HNF4G: variants seen among roughly 807,000 people sequenced by gnomAD.
HNF4G encodes the protein hepatocyte nuclear factor 4 gamma.
Under a neutral mutation model 50.9 loss-of-function variants are expected in HNF4G, and 21 were observed. That is an observed-to-expected ratio of 0.41 (90% CI 0.29 to 0.59). The LOEUF (loss-of-function observed/expected upper bound fraction) is 0.59. HNF4G is among the 20% of genes least tolerant of loss of function. The pLI is 0.26. For missense variants in HNF4G, 527 were observed against 559.4 expected (o/e 0.94, Z 0.58); for synonymous variants, 198 against 185.6 (o/e 1.07, Z -0.54).
chr8:75,427,413 A>G (rs1810915363), intron 1 of HNF4G, among the ~76,000 whole-genome samples: 1 of 152,064 alleles, frequency 6.6e-6, no homozygotes, highest in African/African-American at 2.4e-5. Context: ...CCCAGTCTCT[A>G]CTAAAAATAC....
At chr8:75,489,877 T>G (rs1812582833) in intron 1 of HNF4G, among the ~76,000 whole-genome samples, 1 of 152,246 alleles carries the variant, frequency 6.6e-6, no homozygotes, top group Admixed American at 6.5e-5. Flanking sequence ...GTTGACTTGT[T>G]GTTCTGTGTG....
intron 1 of HNF4G, among the ~76,000 whole-genome samples, chr8:75,414,396 C>T (rs929426739): frequency 6.6e-6 from 1 of 151,944 alleles, no homozygotes; most frequent in African/African-American, 2.4e-5. Context: ...TATTGACATA[C>T]CATAAACAGC....
intron 1 of HNF4G, among the ~76,000 whole-genome samples, chr8:75,437,740 T>C (rs1173317029): frequency 6.6e-6 from 1 of 151,734 alleles, no homozygotes; most frequent in African/African-American, 2.4e-5. Flanking sequence ...ACAATAAATA[T>C]AAAAACATGG....
intron 9 of HNF4G, among the ~76,000 whole-genome samples, chr8:75,561,704 T>C (rs2943611): frequency 0.82 from 124,749 of 152,096 alleles, 51,933 homozygotes; most frequent in African/African-American, 0.96. Context: ...ACCGTGGTAA[T>C]TGAAACTTGA....
At chr8:75,543,086 A>G (rs1806675810) in intron 1 of HNF4G, among the ~76,000 whole-genome samples, 1 of 152,126 alleles carries the variant, frequency 6.6e-6, no homozygotes, top group African/African-American at 2.4e-5. Context: ...ACACGTCTGT[A>G]ATCTCAGCTA....
intron 2 of HNF4G, among the ~76,000 whole-genome samples, chr8:75,516,685 T>A (rs973301281): frequency 4.6e-5 from 7 of 152,238 alleles, no homozygotes; most frequent in Non-Finnish European, 1.0e-4. Context: ...TTATTGTGAA[T>A]TTGCATACTT....
chr8:75,512,776 A>C (rs2130729425), intron 2 of HNF4G, among the ~76,000 whole-genome samples: 1 of 152,094 alleles, frequency 6.6e-6, no homozygotes, highest in Admixed American at 6.5e-5. Flanking sequence ...CATCTTTATT[A>C]TTTTAATCTT....
chr8:75,468,797 A>T (rs1165085812), intron 1 of HNF4G, among the ~76,000 whole-genome samples: 3 of 152,104 alleles, frequency 2.0e-5, no homozygotes. Flanking sequence ...TTCCTTCCTA[A>T]TATGGTAGCC....
intron 5 of HNF4G, among the ~76,000 whole-genome samples, chr8:75,554,214 C>A (rs1057514537): frequency 1.3e-5 from 2 of 152,122 alleles, no homozygotes; most frequent in Non-Finnish European, 2.9e-5. Flanking sequence ...CAGTGAATAA[C>A]GCTAAATTGC....
rs201176471 is a variant in HNF4G at position 75,512,450 on chromosome 8, C to T, written c.-24+22242C>T. On this transcript the variant is annotated intron_variant, in intron 2 of 10. Coordinates refer to the HNF4G transcript ENST00000354370. ...ATCTTTATTATTATTATTACTATTA[C>T]TATTATTATTATTATTATTATTGTT... Among the ~76,000 whole-genome samples, 24 of 146,880 alleles carry T rather than the reference C, an allele frequency of 1.6e-4. 1 individual carries two copies. Among genetic ancestry groups the T allele is most frequent in the East Asian group, 9.9e-4 (5 of 5,034 alleles).
At chr8:75,500,759 C>T (rs943736347) in intron 2 of HNF4G, among the ~76,000 whole-genome samples, 32 of 152,108 alleles carry the variant, frequency 2.1e-4, no homozygotes, top group African/African-American at 7.5e-4. Context: ...ACAAGACACA[C>T]ATGCACACAA....
At chr8:75,422,538 T>G (rs1028999925) in intron 1 of HNF4G, among the ~76,000 whole-genome samples, 1 of 152,188 alleles carries the variant, frequency 6.6e-6, no homozygotes, top group East Asian at 1.9e-4. Flanking sequence ...GGCTATAGAT[T>G]TTAAGTTTTT....
intron 1 of HNF4G, among the ~76,000 whole-genome samples, chr8:75,541,443 G>A (rs1232585670): frequency 6.6e-6 from 1 of 152,006 alleles, no homozygotes; most frequent in Non-Finnish European, 1.5e-5. Flanking sequence ...TTTTGTTAAT[G>A]TTACCAGAAG....
At chr8:75,493,027 A>C (rs1440371441) in intron 2 of HNF4G, among the ~76,000 whole-genome samples, 1 of 151,990 alleles carries the variant, frequency 6.6e-6, no homozygotes, top group Non-Finnish European at 1.5e-5. Flanking sequence ...ATATATATAT[A>C]TATATATACA....
intron 1 of HNF4G, among the ~76,000 whole-genome samples, chr8:75,483,367 C>T (rs28691061): frequency 0.21 from 31,627 of 151,776 alleles, 4,017 homozygotes; most frequent in African/African-American, 0.36. Flanking sequence ...GACTGCATTT[C>T]TCTGCATCTT....
chr8:75,448,829 C>T (rs1047551720), intron 1 of HNF4G, among the ~76,000 whole-genome samples: 1 of 152,000 alleles, frequency 6.6e-6, no homozygotes, highest in Non-Finnish European at 1.5e-5. Flanking sequence ...TTAAAAAATA[C>T]ATAGGACTAT....
At chr8:75,476,404 T>A (rs1043434709) in intron 1 of HNF4G, among the ~76,000 whole-genome samples, 1 of 152,126 alleles carries the variant, frequency 6.6e-6, no homozygotes, top group African/African-American at 2.4e-5. Flanking sequence ...AACATAAGAG[T>A]GCACCACCAA....
At chr8:75,494,611 C>A (rs917864040) in intron 2 of HNF4G, among the ~76,000 whole-genome samples, 1 of 151,826 alleles carries the variant, frequency 6.6e-6, no homozygotes, top group Non-Finnish European at 1.5e-5. Context: ...TTATCAAGGA[C>A]CAGTATTGTG....
intron 1 of HNF4G, among the ~76,000 whole-genome samples, chr8:75,430,150 CAAA>C (rs71271861): frequency 1.7e-5 from 2 of 118,958 alleles, no homozygotes; most frequent in African/African-American, 3.3e-5. Flanking sequence ...GATCTTGTTT[CAAA>C]AAAAAAAAAA....
Sources: allele counts gnomAD v4.1 joint callset (sites outside exome capture counted in the v4.1 genomes callset), GRCh38; gene constraint gnomAD v4.1.1; transcripts MANE v1.5; gene names NCBI Gene and HGNC (gene_info 2026-07-23, HGNC 2026-07-21).